Variants in CCDC73 observed in about 807,000 individuals in gnomAD.
The protein encoded by CCDC73 is coiled-coil domain-containing protein 73.
A neutral mutation model predicts 116.5 loss-of-function variants in CCDC73; 95 were observed. The ratio of observed to expected loss-of-function variants is 0.82; its 90% CI spans 0.69 to 0.97. The LOEUF is 0.97. CCDC73 is among the 50% of genes least tolerant of loss of function. CCDC73 has a pLI of 0.00. For synonymous variants in CCDC73, 398 were observed against 401.3 expected (o/e 0.99, Z 0.10); for missense variants, 1,066 against 1,206.8 (o/e 0.88, Z 1.73).
At chr11:32,622,562 C>A (rs928766050) in intron 14 of CCDC73, among the ~76,000 whole-genome samples, 1 of 151,146 alleles carries the variant, frequency 6.6e-6, no homozygotes, top group Admixed American at 6.6e-5. Flanking sequence ...CTAATGCATG[C>A]GGGGCTTAAA....
intron 9 of CCDC73, among the ~76,000 whole-genome samples, chr11:32,673,351 T>G (rs1856056587): frequency 6.6e-6 from 1 of 152,120 alleles, no homozygotes; most frequent in Non-Finnish European, 1.5e-5. Flanking sequence ...TTCTATTCAG[T>G]TTTGCTGTGA....
Position 32,683,583 on chromosome 11 carries a change from A to G in CCDC73, c.391-9T>C. 6.9e-7 allele frequency: 1 copy of G among 1,446,876 alleles called. No homozygotes were observed. The highest frequency in any genetic ancestry group is 1.2e-5 in the South Asian group (1 of 84,574). The allele number at this position is 1,446,876 out of a possible 1,614,324, so 89.6% of individuals were successfully genotyped here. A position where few individuals can be genotyped will look rare whatever the true frequency, so the allele number is the denominator to read the frequency against. ...AAAGAGTATTTAGAAACCTTGAAAA[A>G]TAAGGGGGAAAAATCTCATTAAAAT... On this transcript the variant is annotated splice_polypyrimidine_tract_variant and intron_variant, in intron 6 of 17. Transcript: ENST00000335185.
chr11:32,662,639 C>T (rs1855941762), intron 9 of CCDC73, among the ~76,000 whole-genome samples: 1 of 151,804 alleles, frequency 6.6e-6, no homozygotes, highest in Non-Finnish European at 1.5e-5. Flanking sequence ...CTGTAGGTTG[C>T]CTGTTCACTC....
rs367732238 is a variant in CCDC73, at chr11:32,632,052, T to C, written c.1185+3644A>G. On this transcript the variant is annotated intron_variant, in intron 14 of 17. Transcript: ENST00000335185. ...TTTGAGAATTTTCCAAATATATTTC[T>C]GTTAGTGACTTCAAATTTAATTTAG... Among the ~76,000 whole-genome samples, 59 of 152,374 alleles carry C rather than the reference T, an allele frequency of 3.9e-4. 1 individual carries two copies. In the South Asian group the frequency reaches 0.012, roughly 31 times the overall value.
intron 9 of CCDC73, among the ~76,000 whole-genome samples, chr11:32,662,214 TG>T (rs1172429473): frequency 1.3e-5 from 2 of 152,250 alleles, no homozygotes; most frequent in African/African-American, 4.8e-5. Flanking sequence ...ATGGGATGGC[TG>T]GGTCAAATGG....
intron 9 of CCDC73, among the ~76,000 whole-genome samples, chr11:32,655,549 A>AT (rs1467263820): frequency 1.3e-5 from 2 of 152,212 alleles, no homozygotes; most frequent in African/African-American, 4.8e-5. Flanking sequence ...AGAGAACGAT[A>AT]TTTTTCAGGG....
intron 6 of CCDC73, among the ~76,000 whole-genome samples, chr11:32,698,011 A>ATTTTTTT (rs869153507): frequency 3.7e-4 from 7 of 18,894 alleles, no homozygotes; most frequent in African/African-American, 5.6e-4. Context: ...CTAACACTGA[A>ATTTTTTT]TTTTTTTTTT....
intron 2 of CCDC73, among the ~76,000 whole-genome samples, chr11:32,739,468 A>G (rs1307858028): frequency 6.6e-6 from 1 of 152,048 alleles, no homozygotes; most frequent in Non-Finnish European, 1.5e-5. Context: ...ATTGTAAATG[A>G]GATTACTTTC....
chr11:32,652,049 T>C (rs1465021404), intron 12 of CCDC73, among the ~76,000 whole-genome samples: 1 of 152,182 alleles, frequency 6.6e-6, no homozygotes, highest in African/African-American at 2.4e-5. Flanking sequence ...TCAAGCTCCA[T>C]TAGCACAGAT....
At chr11:32,672,776 A>G (rs1346237048) in intron 9 of CCDC73, among the ~76,000 whole-genome samples, 1 of 152,164 alleles carries the variant, frequency 6.6e-6, no homozygotes, top group Non-Finnish European at 1.5e-5. Context: ...CTACATATAT[A>G]TTAATTGTAC....
chr11:32,807,425 A>T, the CCDC73 span, among the ~76,000 whole-genome samples: 1 of 152,202 alleles, frequency 6.6e-6, no homozygotes, highest in African/African-American at 2.4e-5. Context: ...AATGAGGCCA[A>T]CAAATATTTT....
chr11:32,645,762 C>G (rs1451338072), intron 12 of CCDC73, among the ~76,000 whole-genome samples: 3 of 152,046 alleles, frequency 2.0e-5, no homozygotes, highest in African/African-American at 7.2e-5. Flanking sequence ...CTAGCATTAC[C>G]AACAAACGTG....
chr11:32,611,664 A>G (rs558510422), intron 16 of CCDC73, among the ~76,000 whole-genome samples: 2 of 152,330 alleles, frequency 1.3e-5, no homozygotes, highest in East Asian at 3.9e-4. Flanking sequence ...CCAACTACAT[A>G]CCAGATTTAT....
At chr11:32,641,012 TC>T (rs1265656700) in intron 13 of CCDC73, among the ~76,000 whole-genome samples, 4 of 118,254 alleles carry the variant, frequency 3.4e-5, no homozygotes, top group Non-Finnish European at 6.9e-5. Flanking sequence ...TGAGACTCTG[TC>T]CCCCACCAAA....
At chr11:32,781,117 AC>A (rs1181241177) in intron 1 of CCDC73, among the ~76,000 whole-genome samples, 1 of 152,230 alleles carries the variant, frequency 6.6e-6, no homozygotes, top group African/African-American at 2.4e-5. Flanking sequence ...CCTGGGCAAC[AC>A]AGTGAGACCC....
chr11:32,773,844 G>C (rs928538037), intron 1 of CCDC73, among the ~76,000 whole-genome samples: 4 of 152,000 alleles, frequency 2.6e-5, no homozygotes, highest in African/African-American at 9.7e-5. Flanking sequence ...TCACTACTGG[G>C]TGATCAGGTA....
intron 2 of CCDC73, among the ~76,000 whole-genome samples, chr11:32,745,347 G>A (rs1850226579): frequency 6.6e-6 from 1 of 152,174 alleles, no homozygotes; most frequent in Non-Finnish European, 1.5e-5. Flanking sequence ...TTTAGAATAA[G>A]TGCGATGTGG....
At chr11:32,660,131 C>G (rs1235441822) in intron 9 of CCDC73, among the ~76,000 whole-genome samples, 1 of 144,444 alleles carries the variant, frequency 6.9e-6, no homozygotes, top group African/African-American at 2.5e-5. Flanking sequence ...CTACTGATTA[C>G]AACCATTATG....
chr11:32,737,036 C>T (rs1850137761), intron 2 of CCDC73, among the ~76,000 whole-genome samples: 1 of 150,854 alleles, frequency 6.6e-6, no homozygotes, highest in South Asian at 2.1e-4. Context: ...CTCTTCCCAC[C>T]TCAGCCTCCC....
Sources: gnomAD v4.1 joint callset for allele counts (sites outside exome capture counted in the v4.1 genomes callset) on GRCh38, gnomAD v4.1.1 for gene constraint, MANE v1.5 for transcripts, NCBI Gene and HGNC (gene_info 2026-07-23, HGNC 2026-07-21) for gene names.